Variants in CCDC32 observed in about 807,000 individuals in gnomAD.
CCDC32 encodes coiled-coil domain-containing protein 32.
Under a neutral mutation model 20.1 loss-of-function variants are expected in CCDC32, and 9 were observed. That is an observed-to-expected ratio of 0.45 (90% CI 0.27 to 0.78). The LOEUF (loss-of-function observed/expected upper bound fraction) is 0.78. CCDC32 is among the 30% of genes least tolerant of loss of function. The pLI, the probability that CCDC32 is intolerant of heterozygous loss-of-function variation, is 0.16. For synonymous variants in CCDC32, 63 were observed against 79.0 expected (o/e 0.80, Z 1.07); for missense variants, 204 against 215.5 (o/e 0.95, Z 0.33).
chr15:40,537,314 G>A (rs1889160265), downstream of CCDC32: 1 of 152,822 alleles, frequency 6.5e-6, no homozygotes, highest in Non-Finnish European at 1.5e-5. Context: ...AAGGCAGCTG[G>A]AGGGAAGGGG....
At chr15:40,564,932 T>C (rs572013352) in intron 1 of CCDC32, 44 bp downstream of exon 1, 2 of 920,062 alleles carry the variant, frequency 2.2e-6, no homozygotes, top group African/African-American at 1.7e-5. Flanking sequence ...CGGGCCAGAG[T>C]GGGAGATCCA....
At chr15:40,526,060 T>C (rs1449751029), downstream of CCDC32, among the ~76,000 whole-genome samples, 1 of 152,106 alleles carries the variant, frequency 6.6e-6, no homozygotes, top group Non-Finnish European at 1.5e-5. Context: ...ACAACACCTG[T>C]GAACTGCCTG....
At chr15:40,549,308 C>G (rs1306580237), downstream of CCDC32, among the ~76,000 whole-genome samples, 2 of 152,200 alleles carry the variant, frequency 1.3e-5, no homozygotes, top group Non-Finnish European at 2.9e-5. Context: ...GTTCTTTGTG[C>G]TCCAGCTACA....
chr15:40,543,661 G>T (rs897551186), intron 3 of CCDC32, among the ~76,000 whole-genome samples: 1 of 152,068 alleles, frequency 6.6e-6, no homozygotes, highest in Non-Finnish European at 1.5e-5. Context: ...CCCCATATTG[G>T]CCAGGCTGGT....
At chr15:40,528,735 C>T (rs16970758) in exon 4 of CCDC32, 12,673 of 700,892 alleles carry the variant, frequency 0.018, 668 homozygotes, top group African/African-American at 0.15. Flanking sequence ...AAACTTCTTC[C>T]GTCCTCCTAG....
At chr15:40,540,002 C>T (rs1447581823) in intron 3 of CCDC32, among the ~76,000 whole-genome samples, 1 of 152,098 alleles carries the variant, frequency 6.6e-6, no homozygotes, top group Non-Finnish European at 1.5e-5. Context: ...TTTCAAATTG[C>T]GGCAAAATCT....
downstream of CCDC32, among the ~76,000 whole-genome samples, chr15:40,532,804 C>T (rs1888939861): frequency 6.7e-6 from 1 of 149,576 alleles, no homozygotes; most frequent in Non-Finnish European, 1.5e-5. Context: ...TCACTGCAGC[C>T]TCGACTTCCC....
chr15:40,529,345 T>C (rs1336370342), intron 3 of CCDC32, among the ~76,000 whole-genome samples: 6 of 152,208 alleles, frequency 3.9e-5, no homozygotes, highest in African/African-American at 1.4e-4. Flanking sequence ...CCTCAGTCTT[T>C]TTATTTGTGA....
downstream of CCDC32, chr15:40,538,348 G>A (rs943312671): frequency 1.3e-5 from 2 of 152,236 alleles, no homozygotes; most frequent in Admixed American, 1.3e-4. Context: ...TGAAAGTCTG[G>A]AAATGGGATC....
chr15:40,551,549 G>A (rs903871015), downstream of CCDC32, among the ~76,000 whole-genome samples: 11 of 151,980 alleles, frequency 7.2e-5, no homozygotes, highest in Admixed American at 5.9e-4. Flanking sequence ...TGTGTCACAC[G>A]TATCCTGCCA....
chr15:40,552,665 C>T (rs951827417), downstream of CCDC32, among the ~76,000 whole-genome samples: 2 of 147,116 alleles, frequency 1.4e-5, no homozygotes, highest in East Asian at 2.1e-4. Context: ...ATTCCAACTA[C>T]TCAGGAGGCT....
At chr15:40,562,626 C>G in intron 2 of CCDC32, 146 bp downstream of exon 2, 1 of 878,984 alleles carries the variant, frequency 1.1e-6, no homozygotes. Flanking sequence ...GAAAAGGGGG[C>G]TGCTTCCCAA....
chr15:40,542,322 T>A (rs1889428659), intron 3 of CCDC32, among the ~76,000 whole-genome samples: 1 of 152,236 alleles, frequency 6.6e-6, no homozygotes, highest in African/African-American at 2.4e-5. Flanking sequence ...CTCCTTCAAA[T>A]ATTTTAAAGC....
chr15:40,560,366 TA>T (rs1264691307), intron 2 of CCDC32, among the ~76,000 whole-genome samples: 1 of 152,030 alleles, frequency 6.6e-6, no homozygotes, highest in Non-Finnish European at 1.5e-5. Context: ...CAAAAATAAA[TA>T]AATCGGATCT....
intron 3 of CCDC32, among the ~76,000 whole-genome samples, chr15:40,539,681 G>A (rs1889293242): frequency 1.3e-5 from 2 of 152,126 alleles, no homozygotes; most frequent in African/African-American, 2.4e-5. Context: ...CCCATCCCAG[G>A]AAATTTCCTT....
Position 40,559,672 on chromosome 15 carries a change from G to GT in CCDC32, c.245-2301dup, listed in dbSNP as rs1403156980. On this transcript the variant is annotated intron_variant, in intron 2 of 3. Coordinates refer to ENST00000416810, the MANE Select transcript of CCDC32 (RefSeq NM_001080792.4). ...GTACATCATTAACAAAATCCCTTTT[G>GT]TTTTTGCAAGATATTTCTTAGCTAT... Among the ~76,000 whole-genome samples the GT allele has an allele frequency of 7.2e-5, 11 of 152,122 alleles. No homozygotes were observed. In the South Asian group the frequency reaches 2.1e-3, roughly 29 times the overall value.
intron 3 of CCDC32, among the ~76,000 whole-genome samples, chr15:40,539,863 C>CACACACACACACAT (rs1889307652): frequency 6.6e-6 from 1 of 151,596 alleles, no homozygotes; most frequent in Non-Finnish European, 1.5e-5. Context: ...CACACACACA[C>CACACACACACACAT]ACACACACAC....
At chr15:40,535,090 C>T (rs570535503), downstream of CCDC32, 2 of 839,434 alleles carry the variant, frequency 2.4e-6, no homozygotes, top group East Asian at 5.3e-5. Context: ...AAGCCAGCGA[C>T]TCCAGGCTCT....
chr15:40,527,143 C>G (rs148774543), downstream of CCDC32, among the ~76,000 whole-genome samples: 16 of 151,000 alleles, frequency 1.1e-4, no homozygotes, highest in African/African-American at 3.9e-4. Context: ...TAGAGACAGG[C>G]TTTCACTGTG....
Sources: gnomAD v4.1 joint callset for allele counts (sites outside exome capture counted in the v4.1 genomes callset) on GRCh38, gnomAD v4.1.1 for gene constraint, MANE v1.5 for transcripts, NCBI Gene and HGNC (gene_info 2026-07-23, HGNC 2026-07-21) for gene names.